LTBP2: variants seen among roughly 807,000 people sequenced by gnomAD.
LTBP2 encodes the protein latent-transforming growth factor beta-binding protein 2.
LTBP2 carries 103 observed loss-of-function variants against 210.6 expected under a neutral mutation model. The observed-to-expected ratio is 0.49, with a 90% CI of 0.42 to 0.58. LTBP2 has a LOEUF of 0.58. LTBP2 is among the 20% of genes least tolerant of loss of function. LTBP2 has a pLI of 0.00. For missense variants in LTBP2, 2,313 were observed against 2,494.5 expected, an observed-to-expected ratio of 0.93 and a Z score of 1.55; for synonymous variants, 1,007 against 1,015.0, an observed-to-expected ratio of 0.99 and a Z score of 0.15.
At chr14:74,503,699 A>G (rs2086946119) in intron 31 of LTBP2, 93 bp from the exon 32 acceptor site, 5 of 1,543,396 alleles carry the variant, frequency 3.2e-6, no homozygotes, top group Non-Finnish European at 4.4e-6. Context: ...GATAATGAAG[A>G]GTTAGTGCCC....
rs201838800 is a variant in LTBP2 at position 74,527,339 on chromosome 14, G to C, written c.2388+8C>G. ...TTGCCCGGCCCCCTAGTGGGAGGAC[G>C]CACTCACCTGGCCAGCCTGAGAGTC... On this transcript the variant is annotated splice_region_variant and intron_variant, in intron 13 of 35. Coordinates refer to ENST00000261978, the MANE Select transcript of LTBP2 (RefSeq NM_000428.3). The C allele has an allele frequency of 4.3e-6, 7 of 1,610,972 alleles. No individual in the cohort carries two copies. The East Asian group carries it at 1.6e-4, about 36-fold the overall frequency.
In LTBP2 at chr14:74,608,215, C is replaced by T. The variant is rs74553432; in HGVS notation, c.494+3236G>A. On this transcript the variant is annotated intron_variant, in intron 1 of 35. Coordinates refer to ENST00000261978, the MANE Select transcript of LTBP2 (RefSeq NM_000428.3). ...GATTACAGGCATGAGCCACCGCGCC[C>T]GGCCAAAACTAGACTATGTTATATT... 4.9e-3 allele frequency among the ~76,000 whole-genome samples: 750 copies of T among 152,040 alleles called. 7 individuals are homozygous for T. The highest frequency in any genetic ancestry group is 0.031 in the Middle Eastern group (9 of 294).
chr14:74,573,492 C>G (rs2139774983), intron 3 of LTBP2, among the ~76,000 whole-genome samples: 1 of 152,324 alleles, frequency 6.6e-6, no homozygotes, highest in Middle Eastern at 3.4e-3. Flanking sequence ...TCCCAGCTCC[C>G]TCGCAACAGG....
At chr14:74,549,453 T>G (rs1387224204) in intron 8 of LTBP2, among the ~76,000 whole-genome samples, 1 of 152,120 alleles carries the variant, frequency 6.6e-6, no homozygotes, top group Non-Finnish European at 1.5e-5. Context: ...TCAGGGAGGC[T>G]GGAACAGGAG....
In LTBP2 at chr14:74,507,223, C is replaced by A. The variant is rs139481866; in HGVS notation, c.3863G>T (p.Gly1288Val). The A allele has an allele frequency of 2.2e-4, 349 of 1,614,190 alleles. No individual in the cohort carries two copies. In the African/African-American group the frequency reaches 3.8e-3, roughly 18 times the overall value. The change falls in exon 26 of 36, where the codon GGC becomes GTC. Residue 1288 changes from glycine to valine, a missense_variant. Transcript: ENST00000261978. ...NSPGSYRCVL[G>V]CQPGFHMAPN... ...GGCCATGTGGAAGCCAGGCTGGCAGCCCAGAACACAGCGGTAGGAGCCAGG... is the reference window on the plus strand; with the variant it reads ...GGCCATGTGGAAGCCAGGCTGGCAGACCAGAACACAGCGGTAGGAGCCAGG...
rs1227024191 is a variant in LTBP2 at position 74,549,931 on chromosome 14, T to G, written c.1721A>C (p.Glu574Ala). The change falls in exon 8 of 36, where the codon GAG becomes GCG. Residue 574 changes from glutamate to alanine, a missense_variant. Physicochemically the swap from Glu to Ala is moderately radical, Grantham distance 107. Transcript: ENST00000261978. ...ANPLLELTTQ[E>A]DCCGSVGAFW... ...GGCTCCCACACTGCCACAGCAGTCC[T>G]CCTGGGTAGTCAGCTCCAGCAGAGG... 6.2e-7 allele frequency: 1 copy of G among 1,613,858 alleles called. No individual in the cohort carries two copies. Among genetic ancestry groups the G allele is most frequent in the Non-Finnish European group, 8.5e-7 (1 of 1,179,942 alleles).
intron 22 of LTBP2, 119 bp downstream of exon 22, chr14:74,509,119 T>C: frequency 6.3e-7 from 1 of 1,580,870 alleles, no homozygotes; most frequent in Non-Finnish European, 8.7e-7. Flanking sequence ...GAGCGACTCT[T>C]GGGGAGCGGG....
At chr14:74,544,550 A>G (rs2087554292) in intron 8 of LTBP2, among the ~76,000 whole-genome samples, 1 of 152,108 alleles carries the variant, frequency 6.6e-6, no homozygotes, top group South Asian at 2.1e-4. Context: ...ACCTGCCCTA[A>G]GGCTCTCTGC....
At position 74,526,104 on chromosome 14, in the gene LTBP2, C is replaced by G. The variant is rs778348814; in HGVS notation, c.2399G>C (p.Ser800Thr). Residue 800 changes from serine (S) to threonine (T), a missense_variant, in exon 14 of 36, where the codon AGT (serine) becomes ACT (threonine). This residue lies in a region of LTBP2 where 1,867 missense variants were observed against 1,976.9 expected (regional missense o/e 0.94). Coordinates refer to ENST00000261978, the MANE Select transcript of LTBP2 (RefSeq NM_000428.3). ...GDSQAGQVTT[S>T]VTHAPAWVTG... ...GACCCAGGCAGGTGCATGAGTGACACTGGTCGTGACCTGCACAGAAACAGG... is the reference window on the plus strand; with the variant it reads ...GACCCAGGCAGGTGCATGAGTGACAGTGGTCGTGACCTGCACAGAAACAGG... 6.2e-7 allele frequency: 1 copy of G among 1,603,842 alleles called. No individual in the cohort carries two copies. The highest frequency in any genetic ancestry group is 8.5e-7 in the Non-Finnish European group (1 of 1,174,682).
At chr14:74,524,547 A>G (rs114313034) in intron 15 of LTBP2, among the ~76,000 whole-genome samples, 5,569 of 152,228 alleles carry the variant, frequency 0.037, 148 homozygotes, top group South Asian at 0.085. Context: ...GTCCCCAGAC[A>G]ATGAGCCTTT....
intron 2 of LTBP2, among the ~76,000 whole-genome samples, chr14:74,595,619 A>G (rs1171548709): frequency 1.3e-5 from 2 of 152,140 alleles, no homozygotes; most frequent in African/African-American, 2.4e-5. Flanking sequence ...CAGGCCCAGG[A>G]TGGTCGGGAA....
chr14:74,583,482 G>A (rs1241800025), intron 3 of LTBP2, among the ~76,000 whole-genome samples: 1 of 152,248 alleles, frequency 6.6e-6, no homozygotes, highest in African/African-American at 2.4e-5. Flanking sequence ...CCAGGGCACA[G>A]AGAGACTAGG....
intron 34 of LTBP2, 95 bp from the exon 35 acceptor site, chr14:74,501,685 C>A: frequency 6.6e-7 from 1 of 1,518,234 alleles, no homozygotes. Context: ...AAAGGGTGCC[C>A]CTGTGGAACT....
At chr14:74,540,082 C>T (rs1471852129) in intron 8 of LTBP2, among the ~76,000 whole-genome samples, 2 of 152,162 alleles carry the variant, frequency 1.3e-5, no homozygotes, top group Non-Finnish European at 2.9e-5. Context: ...CACCCCAAAA[C>T]CAGGGCCCTC....
chr14:74,565,751 GGAT>G (rs1383211027), intron 3 of LTBP2, among the ~76,000 whole-genome samples: 107 of 152,270 alleles, frequency 7.0e-4, no homozygotes, highest in African/African-American at 2.5e-3. Flanking sequence ...TAAGAGGGAA[GGAT>G]GATATCATTC....
At chr14:74,511,144 GCCA>G in intron 19 of LTBP2, 98 bp downstream of exon 19, 1 of 1,580,780 alleles carries the variant, frequency 6.3e-7, no homozygotes, top group Non-Finnish European at 8.6e-7. Context: ...CAGCCTCCAA[GCCA>G]CCTCCCTCTG....
intron 1 of LTBP2, among the ~76,000 whole-genome samples, chr14:74,605,887 G>C (rs1264415484): frequency 6.6e-6 from 1 of 152,160 alleles, no homozygotes; most frequent in Non-Finnish European, 1.5e-5. Flanking sequence ...CCAGGCTGGG[G>C]CTGGTAGGGC....
chr14:74,549,204 C>T (rs1041452061), intron 8 of LTBP2, among the ~76,000 whole-genome samples: 4 of 152,226 alleles, frequency 2.6e-5, no homozygotes, highest in Non-Finnish European at 5.9e-5. Context: ...TGGTCACCCT[C>T]CTCCCAATTG....
At chr14:74,592,993 G>A (rs1446337122) in intron 2 of LTBP2, among the ~76,000 whole-genome samples, 1 of 152,118 alleles carries the variant, frequency 6.6e-6, no homozygotes, top group Non-Finnish European at 1.5e-5. Context: ...TTAGAGAGGT[G>A]GAAAGTCCCA....
Sources: gnomAD v4.1 joint callset for allele counts (sites outside exome capture counted in the v4.1 genomes callset) on GRCh38, gnomAD v4.1.1 for gene constraint, gnomAD v4.1.1 regional missense constraint, MANE v1.5 for transcripts, NCBI Gene and HGNC (gene_info 2026-07-23, HGNC 2026-07-21) for gene names.